Variants in EVPL observed in about 807,000 individuals in gnomAD.
EVPL encodes the protein envoplakin.
A neutral mutation model predicts 129.7 loss-of-function variants in EVPL; 94 were observed. The ratio of observed to expected loss-of-function variants is 0.72; its 90% CI spans 0.61 to 0.86. The LOEUF is 0.86. Ranked by LOEUF, EVPL falls within the 40% of genes least tolerant of loss-of-function variation. The probability of loss-of-function intolerance (pLI) is 0.00; values close to 1 mark genes in which losing one functional copy is unlikely to be tolerated. For synonymous variants in EVPL, 1,172 were observed against 1,191.1 expected, an observed-to-expected ratio of 0.98 and a Z score of 0.33; for missense variants, 2,625 against 2,721.1, an observed-to-expected ratio of 0.96 and a Z score of 0.79.
Position 76,007,894 on chromosome 17 carries a change from G to A in EVPL, c.5311C>T (p.Leu1771=), listed in dbSNP as rs748535837. Residue 1771 remains leucine (L), a synonymous_variant, in exon 22 of 22, where the codon CTG becomes TTG. Transcript: ENST00000301607. The surrounding 1 kb of genome is among the most constrained non-coding windows in gnomAD (Gnocchi z 8.8). The part of the protein sequence containing the change: ...EEYHLYKDGH[L]PISEFALLVA... ...AGCAGCGCAAACTCGGAGATGGGCA[G>A]GTGGCCGTCCTTGTACAGATGGTAC... 5.6e-6 allele frequency: 9 copies of A among 1,613,948 alleles called. No homozygotes were observed. In the African/African-American group the frequency reaches 1.2e-4, roughly 22 times the overall value.
chr17:76,018,376 G>T, intron 12 of EVPL, 70 bp downstream of exon 12: 1 of 1,539,602 alleles, frequency 6.5e-7, no homozygotes, highest in Middle Eastern at 1.8e-4. Flanking sequence ...GTTGGGCCAT[G>T]GGCTTGGACA....
In EVPL at chr17:76,014,025, G is replaced by A. The variant is rs150296108; in HGVS notation, c.2373+401C>T. Among the ~76,000 whole-genome samples the A allele has an allele frequency of 3.3e-3, 504 of 152,144 alleles. 8 individuals are homozygous for A. The South Asian group carries it at 0.047, about 14-fold the overall frequency. On this transcript the variant is annotated intron_variant, in intron 18 of 21. Transcript: ENST00000301607. Reference sequence around the variant, plus strand: ...CCTCCCACACTACCGATCCTGACCCGCAAGTGTGTCCAGCCTGGGGGCACC... The same window carrying A: ...CCTCCCACACTACCGATCCTGACCCACAAGTGTGTCCAGCCTGGGGGCACC...
chr17:76,012,009 G>C lies in EVPL; in HGVS notation c.2454C>G (p.Leu818=), dbSNP rs1259796009. ...AAGCTGAAGGCAAGCTGCTTACCTG[G>C]AGCGCTGCCTGCAGGGCCTGGGAGA... is the stretch of plus-strand genomic sequence containing the variant. The part of the protein sequence containing the change: ...SHLSQALQAA[L]QDYELQADTY... The change falls in exon 19 of 22, where the codon CTC becomes CTG. Residue 818 remains leucine (L), a synonymous_variant. Transcript: ENST00000301607. The C allele has an allele frequency of 1.2e-6, 2 of 1,612,736 alleles. No homozygotes were observed. The highest frequency in any genetic ancestry group is 1.7e-5 in the Admixed American group (1 of 59,898).
At position 76,007,685 on chromosome 17, in the gene EVPL, G is replaced by C; in HGVS notation, c.5520C>G (p.Ser1840Arg). 1 of 1,613,840 alleles carries C rather than the reference G, an allele frequency of 6.2e-7. No individual in the cohort carries two copies. The highest frequency in any genetic ancestry group is 2.2e-5 in the East Asian group (1 of 44,880). The change falls in exon 22 of 22, where the codon AGC becomes AGG. Residue 1840 changes from serine to arginine, a missense_variant. Ser to Arg is a moderately radical substitution (Grantham distance 110, BLOSUM62 -1). Coordinates refer to ENST00000301607, the MANE Select transcript of EVPL (RefSeq NM_001988.4). The surrounding 1 kb of genome is among the most constrained non-coding windows in gnomAD (Gnocchi z 8.8). ...TGTTCTTGGCCACGGCCGTCTTGAT[G>C]CTGCACTTGTTGTCTGTGGTTGTGT... ...IYDTTTDNKC[S>R]IKTAVAKNML...
intron 21 of EVPL, among the ~76,000 whole-genome samples, chr17:76,011,046 A>G (rs1284384110): frequency 6.6e-6 from 1 of 152,220 alleles, no homozygotes; most frequent in Non-Finnish European, 1.5e-5. Context: ...TTGGTGATAG[A>G]GCGAGACTCC....
In EVPL at chr17:76,021,909, G is replaced by T. The variant is rs761893465; in HGVS notation, c.765C>A (p.Ser255Arg). The T allele has an allele frequency of 1.3e-6, 2 of 1,560,994 alleles. No homozygotes were observed. Among genetic ancestry groups the T allele is most frequent in the Admixed American group, 1.8e-5 (1 of 54,536 alleles). The change falls in exon 7 of 22, where the codon AGC (serine) becomes AGA (arginine). Residue 255 changes from serine (S) to arginine (R), a missense_variant. This residue lies in a region of EVPL where 1,024 missense variants were observed against 997.5 expected (regional missense o/e 1.03). Transcript: ENST00000301607. ...CGCCCGCAGGGTCGGCCATGAGGTC[G>T]CTCCAGTCCTGCTGCAGGATGCGGC... is the stretch of plus-strand genomic sequence containing the variant. ...QQRRILQQDW[S>R]DLMADPAGVR...
chr17:76,012,249 A>G (rs2066383129), intron 18 of EVPL, 160 bp from the exon 19 acceptor site: 4 of 577,594 alleles, frequency 6.9e-6, no homozygotes. Context: ...TTTCCCTGAC[A>G]TCATTCTCTC....
intron 14 of EVPL, 118 bp from the exon 15 acceptor site, chr17:76,015,746 C>G: frequency 9.1e-7 from 1 of 1,097,504 alleles, no homozygotes; most frequent in Admixed American, 2.5e-5. Context: ...CATGCTTGGG[C>G]TCAGGCCAGA....
In EVPL at chr17:76,007,369, C is replaced by T. The variant is rs200660734; in HGVS notation, c.5836G>A (p.Asp1946Asn). The change falls in exon 22 of 22, where the codon GAC becomes AAC. Residue 1946 changes from aspartate (D) to asparagine (N), a missense_variant. Around this residue, in one of 4 missense-constraint regions of EVPL, gnomAD observed 1,453 missense variants for 1,511.8 expected, o/e 0.96. Transcript: ENST00000301607. The surrounding 1 kb of genome is among the most constrained non-coding windows in gnomAD (Gnocchi z 8.8). ...QVQHLTGGLIDPKRTGRIPIQ... is the reference protein window; with the variant it reads ...QVQHLTGGLINPKRTGRIPIQ... ...GGGATGCGGCCTGTCCTCTTGGGGT[C>T]GATGAGCCCCCCGGTCAGGTGCTGC... is the stretch of plus-strand genomic sequence containing the variant. The T allele has an allele frequency of 5.1e-5, 82 of 1,594,670 alleles. No individual in the cohort carries two copies. Among genetic ancestry groups the T allele is most frequent in the Middle Eastern group, 1.7e-4 (1 of 5,988 alleles).
rs141803378 is a variant in EVPL, at chr17:76,008,202, C to T, written c.5003G>A (p.Arg1668Gln). The T allele has an allele frequency of 9.9e-6, 16 of 1,614,096 alleles. No individual in the cohort carries two copies. The highest frequency in any genetic ancestry group is 1.1e-5 in the South Asian group (1 of 91,080). Residue 1668 changes from arginine (R) to glutamine (Q), a missense_variant, in exon 22 of 22, where the codon CGG (arginine) becomes CAG (glutamine). Around this residue, in one of 4 missense-constraint regions of EVPL, gnomAD observed 1,453 missense variants for 1,511.8 expected, o/e 0.96. Transcript: ENST00000301607. This position sits in a 1 kb window ranked among gnomAD's most constrained non-coding sequence, Gnocchi z 7.4. The stretch of plus-strand genomic sequence containing the variant: ...CTGGGTCTCCTGGCTGAGCTCCTCC[C>T]GGCTCACCTTGGCGTGGAGGTCCCG... The part of the protein sequence containing the change: ...TLRDLHAKVS[R>Q]EELSQETQTR...
chr17:76,018,624 C>G, intron 11 of EVPL, 24 bp from the exon 12 acceptor site: 1 of 1,580,260 alleles, frequency 6.3e-7, no homozygotes, highest in Non-Finnish European at 8.6e-7. Flanking sequence ...AAGGGAGCAG[C>G]TCCTGAGGGC....
At position 76,023,651 on chromosome 17, in the gene EVPL, G is replaced by C; in HGVS notation, c.202C>G (p.Arg68Gly). 1 of 1,563,910 alleles carries C rather than the reference G, an allele frequency of 6.4e-7. No homozygotes were observed. Among genetic ancestry groups the C allele is most frequent in the Non-Finnish European group, 8.7e-7 (1 of 1,153,686 alleles). Residue 68 changes from arginine to glycine, a missense_variant, in exon 3 of 22, where the codon CGG (arginine) becomes GGG (glycine). Arg to Gly is a moderately radical substitution (Grantham distance 125). Around this residue, in one of 4 missense-constraint regions of EVPL, gnomAD observed 139 missense variants for 186.8 expected, o/e 0.74. Transcript: ENST00000301607. Reference sequence around the variant, plus strand: ...GCCTGGCTCTGCTCACTGTTCAGCCGGTCCTGTGGGCAGGAGATGGGCAGA... The same window carrying C: ...GCCTGGCTCTGCTCACTGTTCAGCCCGTCCTGTGGGCAGGAGATGGGCAGA... Reference protein sequence around the residue: ...LETQKRLQQDRLNSEQSQALQ... With the variant: ...LETQKRLQQDGLNSEQSQALQ...
Position 76,009,834 on chromosome 17 carries a change from T to G in EVPL, c.3371A>C (p.Glu1124Ala). The G allele has an allele frequency of 6.2e-7, 1 of 1,614,004 alleles. No individual in the cohort carries two copies. Among genetic ancestry groups the G allele is most frequent in the Non-Finnish European group, 8.5e-7 (1 of 1,180,008 alleles). ...GGGCTCCACCGAGCTGATAGCCCGC[T>G]CCAGGTCTTCGATGCGAGCCTGTAG... ...AKLQARIEDLERAISSVEPKV... is the reference protein window; with the variant it reads ...AKLQARIEDLARAISSVEPKV... Residue 1124 changes from glutamate (E) to alanine (A), a missense_variant, in exon 22 of 22, where the codon GAG (glutamate) becomes GCG (alanine). Glu to Ala is a moderately radical substitution (Grantham distance 107). Coordinates refer to ENST00000301607, the MANE Select transcript of EVPL (RefSeq NM_001988.4). The surrounding 1 kb of genome is among the most constrained non-coding windows in gnomAD (Gnocchi z 5.9).
At position 76,009,643 on chromosome 17, in the gene EVPL, G is replaced by A; in HGVS notation, c.3562C>T (p.Pro1188Ser). The change falls in exon 22 of 22, where the codon CCC becomes TCC. Residue 1188 changes from proline (P) to serine (S), a missense_variant. Coordinates refer to ENST00000301607, the MANE Select transcript of EVPL (RefSeq NM_001988.4). This position sits in a 1 kb window ranked among gnomAD's most constrained non-coding sequence, Gnocchi z 5.9. Reference protein sequence around the residue: ...SKYSVVEKQRPKVQLQERVHE... With the variant: ...SKYSVVEKQRSKVQLQERVHE... ...ACGCGCTCCTGGAGCTGCACTTTGG[G>A]CCTCTGCTTCTCCACCACGCTGTAC... 3.1e-6 allele frequency: 5 copies of A among 1,613,758 alleles called. No individual in the cohort carries two copies. Among genetic ancestry groups the A allele is most frequent in the Non-Finnish European group, 4.2e-6 (5 of 1,180,010 alleles).
rs1038492681 is a variant in EVPL, at chr17:76,013,136, C to A, written c.2374-1047G>T. 6.6e-6 allele frequency among the ~76,000 whole-genome samples: 1 copy of A among 152,162 alleles called. No individual in the cohort carries two copies. ...ATTGGAAAGTTCTCAATACGGGATG[C>A]CCACTTTTATTCACCTGGGAACTTA... On this transcript the variant is annotated intron_variant, in intron 18 of 21. Coordinates refer to ENST00000301607, the MANE Select transcript of EVPL (RefSeq NM_001988.4). This position sits in a 1 kb window ranked among gnomAD's most constrained non-coding sequence, Gnocchi z 4.3.
intron 9 of EVPL, among the ~76,000 whole-genome samples, chr17:76,020,243 T>C (rs915411063): frequency 2.2e-4 from 34 of 152,258 alleles, no homozygotes; most frequent in African/African-American, 8.0e-4. Context: ...TCGGTCTTTC[T>C]TTTTCCTACC....
intron 21 of EVPL, 60 bp downstream of exon 21, chr17:76,011,516 A>G (rs987570419): frequency 5.9e-5 from 84 of 1,414,798 alleles, no homozygotes; most frequent in Non-Finnish European, 7.9e-5. Context: ...TTGGGAATGG[A>G]GTGGGCATTC....
In EVPL at chr17:76,015,582, G is replaced by C; in HGVS notation, c.1757C>G (p.Ala586Gly). The change falls in exon 15 of 22, where the codon GCC becomes GGC. Residue 586 changes from alanine (A) to glycine (G), a missense_variant. Physicochemically the swap from Ala to Gly is moderately conservative, Grantham distance 60. Transcript: ENST00000301607. ...LQSLGTEKET[A>G]QKECEAFLST... ...CAGAAACGCCTCGCACTCCTTCTGG[G>C]CTGTCTCCTTCTCCGTTCCCAGGCT... 1 of 1,613,444 alleles carries C rather than the reference G, an allele frequency of 6.2e-7. No homozygotes were observed. Among genetic ancestry groups the C allele is most frequent in the Non-Finnish European group, 8.5e-7 (1 of 1,180,014 alleles).
chr17:76,012,349 C>G (rs925895357), intron 18 of EVPL: 16 of 409,480 alleles, frequency 3.9e-5, no homozygotes, highest in African/African-American at 3.3e-4. Flanking sequence ...CTCTGTCACC[C>G]AGGTTGGAGT....
Sources: allele counts gnomAD v4.1 joint callset (sites outside exome capture counted in the v4.1 genomes callset), GRCh38; gene constraint gnomAD v4.1.1; regional missense constraint gnomAD v4.1.1; non-coding constraint Gnocchi (gnomAD v3.1); transcripts MANE v1.5; gene names NCBI Gene and HGNC (gene_info 2026-07-23, HGNC 2026-07-21).